Variants in MROH2A observed in about 807,000 individuals in gnomAD.
MROH2A encodes the protein maestro heat-like repeat-containing protein family member 2A.
Under a neutral mutation model 200.4 loss-of-function variants are expected in MROH2A, and 174 were observed. That is an observed-to-expected ratio of 0.87 (90% CI 0.77 to 0.98). The LOEUF is 0.98. MROH2A is among the 50% of genes least tolerant of loss of function. The probability of loss-of-function intolerance (pLI) is 0.00; values close to 1 mark genes in which losing one functional copy is unlikely to be tolerated. For synonymous variants in MROH2A, 829 were observed against 840.4 expected (o/e 0.99, Z 0.23); for missense variants, 2,045 against 2,139.6 (o/e 0.96, Z 0.87).
chr2:233,815,472 C>T (rs540054892), intron 26 of MROH2A, among the ~76,000 whole-genome samples: 35 of 152,140 alleles, frequency 2.3e-4, no homozygotes, highest in African/African-American at 6.5e-4. Context: ...TCTAAGAAAC[C>T]GTCCAAAGAT....
At position 233,833,152 on chromosome 2, in the gene MROH2A, C is replaced by G. The variant is rs564733816; in HGVS notation, c.4918C>G (p.Gln1640Glu). 2 of 1,547,854 alleles carry G rather than the reference C, an allele frequency of 1.3e-6. No individual in the cohort carries two copies. The highest frequency in any genetic ancestry group is 1.7e-6 in the Non-Finnish European group (2 of 1,145,964). The change falls in exon 42 of 42, where the codon CAG becomes GAG. Residue 1640 changes from glutamine to glutamate, a missense_variant. Physicochemically the swap from Gln to Glu is conservative, Grantham distance 29. This residue lies in a region of MROH2A where 1,201 missense variants were observed against 1,311.3 expected (regional missense o/e 0.92). Transcript: ENST00000389758. ...PALRNSLQELQLDPDPGVRRA... is the reference protein window; with the variant it reads ...PALRNSLQELELDPDPGVRRA... The stretch of plus-strand genomic sequence containing the variant: ...TTCTCTCTCAGCCCTCCAGGAACTA[C>G]AGCTGGACCCGGATCCCGGGGTCAG...
intron 5 of MROH2A, 132 bp from the exon 6 acceptor site, chr2:233,792,664 C>A (rs544186296): frequency 3.2e-6 from 2 of 629,264 alleles, no homozygotes; most frequent in Non-Finnish European, 5.7e-6. Context: ...TGGGCCCCAG[C>A]CAGGACAGAG....
In MROH2A at chr2:233,833,165, A is replaced by G. The variant is rs1347928405; in HGVS notation, c.4931A>G (p.Asp1644Gly). The change falls in exon 42 of 42, where the codon GAT becomes GGT. Residue 1644 changes from aspartate (D) to glycine (G), a missense_variant. By Grantham distance (94) the Asp-to-Gly change is moderately conservative (BLOSUM62 -1). Coordinates refer to ENST00000389758, the MANE Select transcript of MROH2A (RefSeq NM_001394639.1). ...NSLQELQLDP[D>G]PGVRRAALET... is the part of the protein sequence containing the mutation. ...CTCCAGGAACTACAGCTGGACCCGGATCCCGGGGTCAGGAGGGCAGCCCTG... is the reference window on the plus strand; with the variant it reads ...CTCCAGGAACTACAGCTGGACCCGGGTCCCGGGGTCAGGAGGGCAGCCCTG... The G allele has an allele frequency of 6.5e-7, 1 of 1,549,452 alleles. No homozygotes were observed. The highest frequency in any genetic ancestry group is 2.0e-5 in the Admixed American group (1 of 50,678).
At position 233,811,892 on chromosome 2, in the gene MROH2A, G is replaced by A. The variant is rs1357925292; in HGVS notation, c.2584G>A (p.Ala862Thr). Reference protein sequence around the residue: ...LTSIIVAVIKAEPTDNLVSPV... With the variant: ...LTSIIVAVIKTEPTDNLVSPV... ...TTGTGTTGGACAGGCGGTCATCAAGGCAGAACCGACTGACAACCTGGTTTC... is the reference window on the plus strand; with the variant it reads ...TTGTGTTGGACAGGCGGTCATCAAGACAGAACCGACTGACAACCTGGTTTC... Residue 862 changes from alanine to threonine, a missense_variant, in exon 24 of 42, where the codon GCA becomes ACA. By Grantham distance (58) the Ala-to-Thr change is moderately conservative (BLOSUM62 0). Coordinates refer to ENST00000389758, the MANE Select transcript of MROH2A (RefSeq NM_001394639.1). 6.5e-6 allele frequency: 10 copies of A among 1,550,140 alleles called. No homozygotes were observed. The Admixed American group carries it at 7.8e-5, about 12-fold the overall frequency.
chr2:233,795,505 G>A (rs1380813102), intron 8 of MROH2A, 148 bp from the exon 9 acceptor site: 14 of 1,254,348 alleles, frequency 1.1e-5, no homozygotes, highest in Admixed American at 6.5e-5. Context: ...CAGCAGGACT[G>A]GGGTAGGGCC....
At chr2:233,814,472 A>G (rs1703380251) in intron 25 of MROH2A, 110 bp from the exon 26 acceptor site, 2 of 678,050 alleles carry the variant, frequency 2.9e-6, no homozygotes, top group Non-Finnish European at 5.2e-6. Context: ...CAGACTGAAC[A>G]GAAGTTAGTG....
rs117077496 is a variant in MROH2A, at chr2:233,817,705, G to C, written c.2962-297G>C. Among the ~76,000 whole-genome samples, 115 of 152,314 alleles carry C rather than the reference G, an allele frequency of 7.6e-4. No individual in the cohort carries two copies. The East Asian group carries it at 0.022, about 29-fold the overall frequency. Reference sequence around the variant, plus strand: ...CAGGAAGCTCTGATTTGATCCCCAGGGTTCGTTACAGGAACAACTGGGCCC... The same window carrying C: ...CAGGAAGCTCTGATTTGATCCCCAGCGTTCGTTACAGGAACAACTGGGCCC... On this transcript the variant is annotated intron_variant, in intron 27 of 41. Coordinates refer to ENST00000389758, the MANE Select transcript of MROH2A (RefSeq NM_001394639.1).
At chr2:233,813,431 G>C (rs1255451743) in intron 24 of MROH2A, among the ~76,000 whole-genome samples, 1 of 152,238 alleles carries the variant, frequency 6.6e-6, no homozygotes, top group East Asian at 1.9e-4. Flanking sequence ...GACAACAGCA[G>C]ATAGGAGAGA....
upstream of MROH2A, among the ~76,000 whole-genome samples, chr2:233,776,597 C>T (rs369677648): frequency 1.8e-4 from 28 of 152,186 alleles, no homozygotes; most frequent in African/African-American, 6.7e-4. Context: ...GAAAGCCAAG[C>T]AGAGCCCCCT....
chr2:233,802,811 A>G (rs1702553816), intron 15 of MROH2A, among the ~76,000 whole-genome samples: 2 of 152,200 alleles, frequency 1.3e-5, no homozygotes, highest in African/African-American at 2.4e-5. Flanking sequence ...CCCCAAGGGC[A>G]TCGCTGGTGA....
In MROH2A at chr2:233,807,796, C is replaced by A. The variant is rs1321620096; in HGVS notation, c.2236C>A (p.His746Asn). 2 of 1,550,898 alleles carry A rather than the reference C, an allele frequency of 1.3e-6. No homozygotes were observed. Among genetic ancestry groups the A allele is most frequent in the South Asian group, 2.4e-5 (2 of 84,066 alleles). Residue 746 changes from histidine (H) to asparagine (N), a missense_variant, in exon 21 of 42, where the codon CAT (histidine) becomes AAT (asparagine). Transcript: ENST00000389758. This position sits in a 1 kb window ranked among gnomAD's most constrained non-coding sequence, Gnocchi z 4.3. ...GGTAAAAACGGTGCTGAATGTGCTT[C>A]ATGACTTCGAGGAGAGGATCCAGGA... is the stretch of plus-strand genomic sequence containing the variant. ...GQVKTVLNVL[H>N]DFEERIQESE...
upstream of MROH2A, among the ~76,000 whole-genome samples, chr2:233,776,354 C>CTTT (rs10568441): frequency 1.8e-5 from 2 of 111,340 alleles, no homozygotes; most frequent in Non-Finnish European, 3.8e-5. Flanking sequence ...AATGTATTTA[C>CTTT]TTTTTTTTTT....
chr2:233,822,749 C>T, intron 33 of MROH2A, 132 bp from the exon 34 acceptor site: 1 of 1,261,690 alleles, frequency 7.9e-7, no homozygotes, highest in South Asian at 1.5e-5. Flanking sequence ...CCACTCCCTC[C>T]CTGGACCTTT....
Position 233,795,987 on chromosome 2 carries a change from CCAGCATCAGTA to C in MROH2A, c.1086_1096del (p.His362GlnfsTer46), listed in dbSNP as rs1702081405. 6.4e-7 allele frequency: 1 copy of C among 1,550,508 alleles called. No homozygotes were observed. The highest frequency in any genetic ancestry group is 2.0e-5 in the Admixed American group (1 of 50,992). On this transcript the variant is annotated frameshift_variant, in exon 10 of 42. Coordinates refer to ENST00000389758, the MANE Select transcript of MROH2A (RefSeq NM_001394639.1). LOFTEE classifies it high-confidence loss of function. The stretch of plus-strand genomic sequence containing the variant: ...ACCAGGTGTGCAACAAGGCCCCGGC[CCAGCATCAGTA>C]CAGCAGCCAGAATCTGATGGAGATG...
intron 15 of MROH2A, 142 bp from the exon 16 acceptor site, chr2:233,803,306 C>A: frequency 1.2e-6 from 1 of 802,062 alleles, no homozygotes; most frequent in Admixed American, 2.4e-5. Context: ...CCTGTGCCAA[C>A]CCATTCTCCA....
In MROH2A at chr2:233,800,213, C is replaced by A. The variant is rs1209378680; in HGVS notation, c.1458C>A (p.Arg486=). 4.5e-6 allele frequency: 7 copies of A among 1,547,956 alleles called. No individual in the cohort carries two copies. In the South Asian group the frequency reaches 7.2e-5, roughly 16 times the overall value. Residue 486 remains arginine (R), a synonymous_variant, in exon 14 of 42, where the codon CGC becomes CGA. Transcript: ENST00000389758. The part of the protein sequence containing the change: ...LTLSTYKLTN[R]REKFYQRDLE... ...TTGGTTCTTTCTTCCAGACAAATCG[C>A]CGGGAGAAGTTTTATCAGAGGGACT...
intron 3 of MROH2A, among the ~76,000 whole-genome samples, chr2:233,788,603 C>A (rs1473964702): frequency 2.6e-5 from 4 of 152,058 alleles, no homozygotes; most frequent in Admixed American, 6.5e-5. Flanking sequence ...GAGGGCTTTG[C>A]AGGCAGTGGC....
chr2:233,822,097 C>T, intron 31 of MROH2A, 27 bp from the exon 32 acceptor site: 2 of 1,538,366 alleles, frequency 1.3e-6, no homozygotes, highest in Non-Finnish European at 8.8e-7. Context: ...AGGAAACTCA[C>T]AGTCCTTGTG....
intron 26 of MROH2A, among the ~76,000 whole-genome samples, chr2:233,815,547 T>C (rs1206869176): frequency 2.0e-5 from 3 of 152,224 alleles, no homozygotes; most frequent in Admixed American, 2.0e-4. Flanking sequence ...CTATGATATA[T>C]TTTGAGTTAA....
Sources: gnomAD v4.1 joint callset for allele counts (sites outside exome capture counted in the v4.1 genomes callset) on GRCh38, gnomAD v4.1.1 for gene constraint, gnomAD v4.1.1 regional missense constraint, Gnocchi (gnomAD v3.1) non-coding constraint, MANE v1.5 for transcripts, NCBI Gene and HGNC (gene_info 2026-07-23, HGNC 2026-07-21) for gene names.